TENM4: variants seen among roughly 807,000 people sequenced by gnomAD.
TENM4 encodes the protein teneurin transmembrane protein 4, also known as teneurin-4.
In TENM4, 82 loss-of-function variants were observed where a neutral mutation model predicts 243.3. That is an observed-to-expected ratio of 0.34 (90% CI 0.28 to 0.40). The LOEUF is 0.40. TENM4 is among the 10% of genes least tolerant of loss of function. TENM4 has a pLI of 1.00. For missense variants in TENM4, 3,138 were observed against 3,673.3 expected, an observed-to-expected ratio of 0.85 and a Z score of 3.77; for synonymous variants, 1,412 against 1,456.3, an observed-to-expected ratio of 0.97 and a Z score of 0.69.
chr11:78,798,509 AAG>A (rs1420032420), intron 15 of TENM4, among the ~76,000 whole-genome samples: 5 of 152,204 alleles, frequency 3.3e-5, no homozygotes, highest in African/African-American at 1.2e-4. Flanking sequence ...GAGCCAAAGA[AAG>A]AGATCTGATG....
chr11:79,080,510 C>T (rs1036316518), intron 4 of TENM4, among the ~76,000 whole-genome samples: 1 of 152,192 alleles, frequency 6.6e-6, no homozygotes, highest in South Asian at 2.1e-4. Flanking sequence ...AAGATGATCC[C>T]GTTTGCTGGC....
intron 6 of TENM4, among the ~76,000 whole-genome samples, chr11:78,987,592 G>A (rs955700990): frequency 2.0e-5 from 3 of 152,300 alleles, no homozygotes; most frequent in Admixed American, 1.3e-4. Context: ...AAATATCATT[G>A]TACATGTAAG....
At chr11:78,944,274 A>T (rs575078899) in intron 6 of TENM4, among the ~76,000 whole-genome samples, 1 of 152,264 alleles carries the variant, frequency 6.6e-6, no homozygotes, top group African/African-American at 2.4e-5. Flanking sequence ...CAGAAAAAAA[A>T]AACAAAGAAC....
chr11:79,039,497 G>A lies in TENM4; in HGVS notation c.493+25241C>T, dbSNP rs1331866661. ...TTATAAACTGCAGATCCTCAGATGT[G>A]GATGTTGTCATAGGACTGAGTGTGT... On this transcript the variant is annotated intron_variant, in intron 6 of 33. Coordinates refer to ENST00000278550, the MANE Select transcript of TENM4 (RefSeq NM_001098816.3). 3.9e-5 allele frequency among the ~76,000 whole-genome samples: 6 copies of A among 152,320 alleles called. No individual in the cohort carries two copies. In the East Asian group the frequency reaches 1.2e-3, roughly 29 times the overall value.
intron 14 of TENM4, among the ~76,000 whole-genome samples, chr11:78,810,559 G>A (rs1266420558): frequency 6.6e-6 from 1 of 152,128 alleles, no homozygotes; most frequent in Non-Finnish European, 1.5e-5. Context: ...TGGATAAAAA[G>A]GCCCAGTTCC....
chr11:79,233,205 C>A (rs945878424), intron 2 of TENM4, among the ~76,000 whole-genome samples: 1 of 152,232 alleles, frequency 6.6e-6, no homozygotes, highest in Middle Eastern at 3.2e-3. Flanking sequence ...TCCACCACTA[C>A]AGACTGGTCT....
chr11:78,959,750 C>A (rs1275127660), intron 6 of TENM4, among the ~76,000 whole-genome samples: 1 of 152,136 alleles, frequency 6.6e-6, no homozygotes, highest in Admixed American at 6.5e-5. Flanking sequence ...AGGCTAAAGT[C>A]CCCCATCTCC....
chr11:79,070,113 A>T, intron 4 of TENM4, 104 bp from the exon 5 acceptor site: 1 of 1,360,552 alleles, frequency 7.3e-7, no homozygotes, highest in East Asian at 2.5e-5. Context: ...AGAGAACCCC[A>T]GGCAGTGGAG....
At chr11:79,160,156 A>G (rs1266239720) in intron 3 of TENM4, among the ~76,000 whole-genome samples, 1 of 152,134 alleles carries the variant, frequency 6.6e-6, no homozygotes. Flanking sequence ...CAGAGCCTCC[A>G]TCATGGCTGG....
intron 4 of TENM4, among the ~76,000 whole-genome samples, chr11:79,110,205 C>T (rs995783601): frequency 6.6e-6 from 1 of 152,164 alleles, no homozygotes; most frequent in African/African-American, 2.4e-5. Flanking sequence ...ATAAGGGGAC[C>T]CTTGCTCCTG....
At chr11:78,712,337 G>A in intron 26 of TENM4, 145 bp downstream of exon 26, 1 of 678,770 alleles carries the variant, frequency 1.5e-6, no homozygotes, top group Admixed American at 2.9e-5. Context: ...ATTTCTGGCA[G>A]GTGGAATTAT....
intron 4 of TENM4, among the ~76,000 whole-genome samples, chr11:79,101,253 AAG>A (rs1861223441): frequency 6.6e-6 from 1 of 152,262 alleles, no homozygotes; most frequent in Non-Finnish European, 1.5e-5. Flanking sequence ...AATATTTTAA[AAG>A]AGATATAGGA....
chr11:79,206,684 T>C (rs1158084625), intron 3 of TENM4, among the ~76,000 whole-genome samples: 1 of 152,154 alleles, frequency 6.6e-6, no homozygotes, highest in African/African-American at 2.4e-5. Context: ...ATTTCCACTT[T>C]TGCTTCTTCC....
At chr11:79,041,004 T>G (rs1437621063) in intron 6 of TENM4, among the ~76,000 whole-genome samples, 1 of 151,638 alleles carries the variant, frequency 6.6e-6, no homozygotes, top group African/African-American at 2.4e-5. Context: ...GGAAGGGCAG[T>G]GCAGTAACTC....
At chr11:78,742,688 T>C (rs1268979797) in intron 19 of TENM4, among the ~76,000 whole-genome samples, 1 of 152,134 alleles carries the variant, frequency 6.6e-6, no homozygotes, top group African/African-American at 2.4e-5. Flanking sequence ...AACCACACAC[T>C]CAGGGCCTGA....
chr11:78,669,471 G>A lies in TENM4; in HGVS notation c.6874C>T (p.Arg2292Cys), dbSNP rs750652207. Residue 2292 changes from arginine (R) to cysteine (C), a missense_variant, in exon 32 of 34, where the codon CGC (arginine) becomes TGC (cysteine). Arg to Cys is a radical substitution (Grantham distance 180). Around this residue, in one of 2 missense-constraint regions of TENM4, gnomAD observed 2,467 missense variants for 3,059.1 expected, o/e 0.81. Coordinates refer to ENST00000278550, the MANE Select transcript of TENM4 (RefSeq NM_001098816.3). This position sits in a 1 kb window ranked among gnomAD's most constrained non-coding sequence, Gnocchi z 6.4. ...ACGCGCCGCCCCAGGCCATCGTAGC[G>A]GTACCTGACACTCCAGCTGCCAGCC... ...NRAGSWSVRY[R>C]YDGLGRRVSS... 63 of 1,613,582 alleles carry A rather than the reference G, an allele frequency of 3.9e-5. No homozygotes were observed. The highest frequency in any genetic ancestry group is 1.0e-4 in the Admixed American group (6 of 59,984).
chr11:79,188,112 A>T (rs905067923), intron 3 of TENM4, among the ~76,000 whole-genome samples: 1 of 152,194 alleles, frequency 6.6e-6, no homozygotes, highest in Non-Finnish European at 1.5e-5. Context: ...GGACATTTGC[A>T]CTTTCCAACC....
chr11:79,142,503 A>C (rs1031039580), intron 4 of TENM4, among the ~76,000 whole-genome samples: 1 of 152,156 alleles, frequency 6.6e-6, no homozygotes, highest in Non-Finnish European at 1.5e-5. Context: ...AAATAGAAAG[A>C]TATTTCTTGT....
intron 19 of TENM4, among the ~76,000 whole-genome samples, chr11:78,746,645 C>G (rs1365699312): frequency 6.6e-6 from 1 of 152,242 alleles, no homozygotes; most frequent in Non-Finnish European, 1.5e-5. Flanking sequence ...AGAAGCAGGA[C>G]TGAGACAGTC....
Sources: gnomAD v4.1 joint callset for allele counts (sites outside exome capture counted in the v4.1 genomes callset) on GRCh38, gnomAD v4.1.1 for gene constraint, gnomAD v4.1.1 regional missense constraint, Gnocchi (gnomAD v3.1) non-coding constraint, MANE v1.5 for transcripts, NCBI Gene and HGNC (gene_info 2026-07-23, HGNC 2026-07-21) for gene names.